Variants in FBLN1 observed in about 807,000 individuals in gnomAD.
FBLN1 encodes fibulin 1, also known as fibulin-1.
FBLN1 carries 34 observed loss-of-function variants against 89.7 expected under a neutral mutation model. The observed-to-expected ratio is 0.38, with a 90% CI of 0.29 to 0.50. The LOEUF (loss-of-function observed/expected upper bound fraction) is 0.50, where lower values mean the gene tolerates loss of function less well. FBLN1 is among the 20% of genes least tolerant of loss of function. FBLN1 has a pLI of 0.92. For missense variants in FBLN1, 777 were observed against 988.1 expected, an observed-to-expected ratio of 0.79 and a Z score of 2.86; for synonymous variants, 393 against 391.3, an observed-to-expected ratio of 1.00 and a Z score of -0.05.
rs561653978 is a variant in FBLN1 at position 45,596,060 on chromosome 22, G to A, written c.1973-4247G>A. 1.6e-3 allele frequency among the ~76,000 whole-genome samples: 249 copies of A among 152,192 alleles called. 1 individual carries two copies. The highest frequency in any genetic ancestry group is 3.0e-3 in the Non-Finnish European group (203 of 67,998). ...AATTTTTTGTATTTTTAGTAGAGAC[G>A]GGGTTTCACCGTGTTAGCCAGGATG... On this transcript the variant is annotated intron_variant, in intron 16 of 16. Coordinates refer to ENST00000327858, the MANE Select transcript of FBLN1 (RefSeq NM_006486.3).
rs1467006598 is a variant in FBLN1 at position 45,527,906 on chromosome 22, G to A, written c.381G>A (p.Glu127=). ...CCCAGGCCCAGGGCCAGAGCTGCGA[G>A]TACAGCCTCATGGTTGGCTACCAGT... ...RAAQAQGQSC[E]YSLMVGYQCG... Residue 127 remains glutamate (E), a synonymous_variant, in exon 4 of 17, where the codon GAG becomes GAA. Transcript: ENST00000327858. 1.9e-6 allele frequency: 3 copies of A among 1,614,204 alleles called. No individual in the cohort carries two copies. The highest frequency in any genetic ancestry group is 1.7e-6 in the Non-Finnish European group (2 of 1,180,042).
chr22:45,574,511 G>T lies in FBLN1; in HGVS notation c.1698G>T (p.Thr566=), dbSNP rs770400459. The T allele has an allele frequency of 4.3e-5, 69 of 1,614,124 alleles. No individual in the cohort carries two copies. Among genetic ancestry groups the T allele is most frequent in the Middle Eastern group, 3.3e-4 (2 of 6,062 alleles). The change falls in exon 15 of 17, where the codon ACG becomes ACT. Residue 566 remains threonine (T), a splice_region_variant and synonymous_variant. Transcript: ENST00000327858. This position sits in a 1 kb window ranked among gnomAD's most constrained non-coding sequence, Gnocchi z 4.1. The part of the protein sequence containing the change: ...CPENYRRSAA[T]LQQEKTDTVR... ...CCTCGTGTGCTGTGGTTCCCCTCAGGCTCCAGCAGGAGAAGACAGACACGG... is the reference window on the plus strand; with the variant it reads ...CCTCGTGTGCTGTGGTTCCCCTCAGTCTCCAGCAGGAGAAGACAGACACGG...
chr22:45,585,501 C>G (rs1322348354), intron 16 of FBLN1, among the ~76,000 whole-genome samples: 2 of 152,232 alleles, frequency 1.3e-5, no homozygotes, highest in Non-Finnish European at 2.9e-5. Flanking sequence ...AACAACAGCG[C>G]GGCCGTCCCT....
At chr22:45,521,275 G>C (rs136725) in intron 2 of FBLN1, among the ~76,000 whole-genome samples, 69,837 of 152,064 alleles carry the variant, frequency 0.46, 16,899 homozygotes, top group East Asian at 0.79. Context: ...TGCAAGTCCA[G>C]ACTCCTGGGT....
chr22:45,526,608 G>C (rs1173574028), intron 3 of FBLN1, among the ~76,000 whole-genome samples: 1 of 152,252 alleles, frequency 6.6e-6, no homozygotes, highest in Non-Finnish European at 1.5e-5. Context: ...ATGAAGTCTG[G>C]ATTCCAGGAG....
At chr22:45,560,886 G>C (rs954541955) in intron 14 of FBLN1, among the ~76,000 whole-genome samples, 15 of 152,056 alleles carry the variant, frequency 9.9e-5, no homozygotes, top group Admixed American at 1.3e-4. Context: ...ACATTATCTT[G>C]CCTGGCAACT....
rs61735503 is a variant in FBLN1 at position 45,542,208 on chromosome 22, G to C, written c.1120G>C (p.Val374Leu). 1.2e-6 allele frequency: 2 copies of C among 1,614,206 alleles called. No homozygotes were observed. The highest frequency in any genetic ancestry group is 1.7e-6 in the Non-Finnish European group (2 of 1,180,046). ...GCCCTGTGGGAAGGGACATCGCTGC[G>C]TGAACTCTCCCGGCAGTTTCCGCTG... ...AEPCGKGHRC[V>L]NSPGSFRCEC... Residue 374 changes from valine (V) to leucine (L), a missense_variant, in exon 10 of 17, where the codon GTG becomes CTG. Val to Leu is a conservative substitution (Grantham distance 32, BLOSUM62 1). Transcript: ENST00000327858.
At chr22:45,594,867 T>C (rs2089171182) in intron 16 of FBLN1, among the ~76,000 whole-genome samples, 1 of 151,578 alleles carries the variant, frequency 6.6e-6, no homozygotes, top group Non-Finnish European at 1.5e-5. Context: ...GATGGATGGA[T>C]GGACGGATGG....
chr22:45,553,878 GT>G (rs2088739506), intron 14 of FBLN1, among the ~76,000 whole-genome samples: 1 of 152,212 alleles, frequency 6.6e-6, no homozygotes, highest in Non-Finnish European at 1.5e-5. Flanking sequence ...TCCCTGGTTA[GT>G]ACCCGCCATG....
rs2087966687 is a variant in FBLN1, at chr22:45,503,010, C to T, written c.25C>T (p.Arg9Trp). 3.2e-6 allele frequency: 4 copies of T among 1,241,658 alleles called. No homozygotes were observed. Among genetic ancestry groups the T allele is most frequent in the Non-Finnish European group, 4.0e-6 (4 of 993,920 alleles). The allele number at this position is 1,241,658 out of a possible 1,614,324, so 76.9% of individuals were successfully genotyped here. ...CATGGAGCGCGCCGCGCCGTCGCGC[C>T]GGGTCCCGCTTCCGCTGCTGCTGCT... Reference protein sequence around the residue: MERAAPSRRVPLPLLLLGG... With the variant: MERAAPSRWVPLPLLLLGG... Residue 9 changes from arginine (R) to tryptophan (W), a missense_variant, in exon 1 of 17, where the codon CGG becomes TGG. Coordinates refer to ENST00000327858, the MANE Select transcript of FBLN1 (RefSeq NM_006486.3).
At position 45,545,448 on chromosome 22, in the gene FBLN1, A is replaced by G. The variant is rs534517886; in HGVS notation, c.1322-1637A>G. On this transcript the variant is annotated intron_variant, in intron 11 of 16. Transcript: ENST00000327858. This position sits in a 1 kb window ranked among gnomAD's most constrained non-coding sequence, Gnocchi z 5.9. ...TGCTGGCTTTATTATTATTTAGTAG[A>G]AGTAGTGGGATTCCTGGCTTGTGCT... Among the ~76,000 whole-genome samples, 45 of 152,234 alleles carry G rather than the reference A, an allele frequency of 3.0e-4. No individual in the cohort carries two copies. Among genetic ancestry groups the G allele is most frequent in the African/African-American group, 9.9e-4 (41 of 41,526 alleles).
intron 2 of FBLN1, among the ~76,000 whole-genome samples, chr22:45,521,986 CTT>C (rs900915523): frequency 1.6e-4 from 23 of 147,310 alleles, no homozygotes; most frequent in Non-Finnish European, 2.9e-4. Flanking sequence ...TTAGCCAGCT[CTT>C]TTTTTTTTTC....
chr22:45,531,316 G>A lies in FBLN1; in HGVS notation c.536G>A (p.Arg179His), dbSNP rs139710988. The change falls in exon 5 of 17, where the codon CGC becomes CAC. Residue 179 changes from arginine to histidine, a missense_variant. Transcript: ENST00000327858. This position sits in a 1 kb window ranked among gnomAD's most constrained non-coding sequence, Gnocchi z 4.9. ...EEQEDPYLND[R>H]CRGGGPCKQQ... ...CAAGAGGACCCATATCTGAATGACC[G>A]CTGCCGAGGTGAGACTCGGGCGTCT... 6 of 1,613,698 alleles carry A rather than the reference G, an allele frequency of 3.7e-6. No individual in the cohort carries two copies. The highest frequency in any genetic ancestry group is 2.2e-5 in the South Asian group (2 of 91,058).
chr22:45,526,143 C>T (rs575218069), intron 3 of FBLN1, among the ~76,000 whole-genome samples: 18 of 152,304 alleles, frequency 1.2e-4, no homozygotes, highest in African/African-American at 3.4e-4. Flanking sequence ...ACCTCTATAA[C>T]GACCCTAAAA....
chr22:45,551,034 C>A (rs933687995), intron 14 of FBLN1: 20 of 302,770 alleles, frequency 6.6e-5, no homozygotes, highest in Non-Finnish European at 1.2e-4. Flanking sequence ...GCCGATGTGA[C>A]CTGTTGGACG....
At chr22:45,555,248 CAT>C (rs71779159) in intron 14 of FBLN1, among the ~76,000 whole-genome samples, 17 of 135,080 alleles carry the variant, frequency 1.3e-4, no homozygotes, top group South Asian at 4.6e-4. Context: ...ATGGAATATA[CAT>C]ATATATATAT....
intron 1 of FBLN1, among the ~76,000 whole-genome samples, chr22:45,513,401 T>G (rs1394054819): frequency 6.6e-6 from 1 of 151,382 alleles, no homozygotes; most frequent in Non-Finnish European, 1.5e-5. Flanking sequence ...ACCTCCCAGG[T>G]TCTAGTGATT....
intron 3 of FBLN1, among the ~76,000 whole-genome samples, chr22:45,526,815 A>G (rs1303793179): frequency 6.6e-6 from 1 of 152,188 alleles, no homozygotes; most frequent in Non-Finnish European, 1.5e-5. Flanking sequence ...TGGGCGTTTC[A>G]TGACTGCCCC....
chr22:45,527,030 G>A lies in FBLN1; in HGVS notation c.322-817G>A, dbSNP rs136728. Among the ~76,000 whole-genome samples the A allele has an allele frequency of 4.0e-3, 614 of 152,234 alleles. 1 individual carries two copies. The highest frequency in any genetic ancestry group is 0.014 in the Middle Eastern group (4 of 290). On this transcript the variant is annotated intron_variant, in intron 3 of 16. Transcript: ENST00000327858. ...TCACACCCCAAAAGATGGATGAGGT[G>A]ACTGATGCTCCCTACACTTTCTGGC...
Sources: allele counts gnomAD v4.1 joint callset (sites outside exome capture counted in the v4.1 genomes callset), GRCh38; gene constraint gnomAD v4.1.1; non-coding constraint Gnocchi (gnomAD v3.1); transcripts MANE v1.5; gene names NCBI Gene and HGNC (gene_info 2026-07-23, HGNC 2026-07-21).